The following NOSIP variants were observed in gnomAD, a reference collection of about 807,000 sequenced individuals.
NOSIP encodes nitric oxide synthase-interacting protein.
In NOSIP, 25 loss-of-function variants were observed where a neutral mutation model predicts 36.4. The observed-to-expected ratio is 0.69, with a 90% CI of 0.50 to 0.96. NOSIP has a LOEUF of 0.96. Ranked by LOEUF, NOSIP falls within the 40% of genes least tolerant of loss-of-function variation. The pLI is 0.00. For missense variants in NOSIP, 370 were observed against 429.0 expected, an observed-to-expected ratio of 0.86 and a Z score of 1.21; for synonymous variants, 187 against 179.2, an observed-to-expected ratio of 1.04 and a Z score of -0.35.
chr19:49,555,649 C>A lies in NOSIP; in HGVS notation c.*102G>T. On this transcript the variant is annotated 3_prime_UTR_variant, in exon 9 of 9. Transcript: ENST00000596358. Reference sequence around the variant, plus strand: ...CGCTGTAGGAGCACTGTTTGCACGGCCCTGCATCCTCGCCTGCCCTGTCCC... The same window carrying A: ...CGCTGTAGGAGCACTGTTTGCACGGACCTGCATCCTCGCCTGCCCTGTCCC... The A allele has an allele frequency of 1.1e-6, 1 of 919,448 alleles. No individual in the cohort carries two copies. Among genetic ancestry groups the A allele is most frequent in the South Asian group, 1.4e-5 (1 of 69,408 alleles). 57.0% of individuals were successfully genotyped at this position (919,448 alleles called of 1,614,324 possible).
intron 1 of NOSIP, among the ~76,000 whole-genome samples, chr19:49,567,679 ATTTAT>A (rs1226930451): frequency 6.6e-6 from 1 of 151,626 alleles, no homozygotes; most frequent in Non-Finnish European, 1.5e-5. Flanking sequence ...TTTTTATTTT[ATTTAT>A]TTTGAGACAG....
chr19:49,556,245 A>C, intron 8 of NOSIP, 72 bp downstream of exon 8: 1 of 651,912 alleles, frequency 1.5e-6, no homozygotes, highest in Non-Finnish European at 2.3e-6. Flanking sequence ...GAGGGGACGA[A>C]GCCTTGGAGG....
At chr19:49,576,905 A>AAAAAAAAAG (rs1568412796) in intron 1 of NOSIP, among the ~76,000 whole-genome samples, 1 of 151,630 alleles carries the variant, frequency 6.6e-6, no homozygotes, top group African/African-American at 2.4e-5. Context: ...AAAAAAAAAA[A>AAAAAAAAAG]AAAATCAGGA....
chr19:49,560,706 G>A lies in NOSIP; in HGVS notation c.-1-14C>T. 6.3e-7 allele frequency: 1 copy of A among 1,576,644 alleles called. No homozygotes were observed. Among genetic ancestry groups the A allele is most frequent in the Non-Finnish European group, 8.6e-7 (1 of 1,159,374 alleles). On this transcript the variant is annotated splice_polypyrimidine_tract_variant and intron_variant, in intron 1 of 8. Transcript: ENST00000596358. This position sits in a 1 kb window ranked among gnomAD's most constrained non-coding sequence, Gnocchi z 4.6. ...TGCCGCGTCATCCTAGGGAGGAAGG[G>A]ACAGTGGCAGGACTGTGGTTACCGG...
intron 1 of NOSIP, among the ~76,000 whole-genome samples, chr19:49,574,844 C>T (rs1000834611): frequency 1.3e-5 from 2 of 151,684 alleles, no homozygotes; most frequent in Non-Finnish European, 2.9e-5. Context: ...TACAGGCGTC[C>T]ACCACCATGC....
In NOSIP at chr19:49,560,274, G is replaced by A; in HGVS notation, c.71-235C>T. ...GGCCTGGTCACTGAGTGGCAGCTTG[G>A]TGGAGGGGCTGACGGCTGACTCCCC... On this transcript the variant is annotated intron_variant, in intron 2 of 8. Coordinates refer to ENST00000596358, the MANE Select transcript of NOSIP (RefSeq NM_001270960.2). The surrounding 1 kb of genome is among the most constrained non-coding windows in gnomAD (Gnocchi z 4.6). 3.4e-6 allele frequency: 2 copies of A among 579,892 alleles called. No homozygotes were observed. Among genetic ancestry groups the A allele is most frequent in the Admixed American group, 3.1e-5 (1 of 32,582 alleles). The allele number at this position is 579,892 out of a possible 1,614,324, so 35.9% of individuals were successfully genotyped here. A position where few individuals can be genotyped will look rare whatever the true frequency, so the allele number is the denominator to read the frequency against.
At chr19:49,577,473 C>T (rs1309752286) in intron 1 of NOSIP, among the ~76,000 whole-genome samples, 1 of 151,970 alleles carries the variant, frequency 6.6e-6, no homozygotes, top group Non-Finnish European at 1.5e-5. Context: ...AGGAGAGTCG[C>T]TCAAACCTGG....
At chr19:49,561,485 T>A (rs1180526363) in intron 1 of NOSIP, among the ~76,000 whole-genome samples, 1 of 152,208 alleles carries the variant, frequency 6.6e-6, no homozygotes, top group Non-Finnish European at 1.5e-5. Flanking sequence ...TTTTGCCACC[T>A]TACTTTGATA....
intron 8 of NOSIP, 36 bp downstream of exon 8, chr19:49,556,281 G>C: frequency 7.1e-7 from 1 of 1,412,204 alleles, no homozygotes; most frequent in Non-Finnish European, 9.7e-7. Context: ...GCGGGGCCTT[G>C]GAGTGCTGGG....
chr19:49,557,178 A>G lies in NOSIP; in HGVS notation c.330T>C (p.His110=), dbSNP rs1466308617. The change falls in exon 5 of 9, where the codon CAT becomes CAC. Residue 110 remains histidine (H), a synonymous_variant. Transcript: ENST00000596358. The part of the protein sequence containing the change: ...KELQRAASQD[H]VRGFLEKESA... ...ACTCCTTCTCCAGGAAGCCCCGCAC[A>G]TGGTCCTGCGAGGCCGCCCGCTGAA... The G allele has an allele frequency of 6.2e-7, 1 of 1,610,036 alleles. No homozygotes were observed. The highest frequency in any genetic ancestry group is 8.5e-7 in the Non-Finnish European group (1 of 1,178,592).
chr19:49,574,491 AGTTGTAGCTTTACAATGCG>A (rs997270273), intron 1 of NOSIP, among the ~76,000 whole-genome samples: 1 of 152,132 alleles, frequency 6.6e-6, no homozygotes, highest in Non-Finnish European at 1.5e-5. Flanking sequence ...GAAAATACAC[AGTTGTAGCTTTACAATGCG>A]GTTTTCGATG....
At chr19:49,561,251 C>G (rs773197628) in intron 1 of NOSIP, among the ~76,000 whole-genome samples, 1 of 152,106 alleles carries the variant, frequency 6.6e-6, no homozygotes, top group Admixed American at 6.6e-5. Context: ...TGTCTCAGAT[C>G]GACCGATCAG....
In NOSIP at chr19:49,555,675, CG is replaced by C. The variant is rs770354102; in HGVS notation, c.*75del. 3.9e-6 allele frequency: 5 copies of C among 1,277,668 alleles called. No individual in the cohort carries two copies. The highest frequency in any genetic ancestry group is 1.2e-5 in the South Asian group (1 of 80,952). 79.1% of individuals were successfully genotyped at this position (1,277,668 alleles called of 1,614,324 possible). A position where few individuals can be genotyped will look rare whatever the true frequency, so the allele number is the denominator to read the frequency against. ...CCTGCATCCTCGCCTGCCCTGTCCC[CG>C]GGGCGCCCACGCCGCGAATGAAGGC... is the stretch of plus-strand genomic sequence containing the variant. On this transcript the variant is annotated 3_prime_UTR_variant, in exon 9 of 9. Coordinates refer to ENST00000596358, the MANE Select transcript of NOSIP (RefSeq NM_001270960.2).
rs71180641 is a variant in NOSIP at position 49,569,199 on chromosome 19, C to CTT, written c.-1-8509_-1-8508dup. On this transcript the variant is annotated intron_variant, in intron 1 of 8. Transcript: ENST00000596358. ...GAAATCTACTGTGCATACAATGATACTTTTTTTTTTTTTTTTTGAGACGTT... is the reference window on the plus strand; with the variant it reads ...GAAATCTACTGTGCATACAATGATACTTTTTTTTTTTTTTTTTTTGAGACGTT... Among the ~76,000 whole-genome samples, 61 of 127,432 alleles carry CTT rather than the reference C, an allele frequency of 4.8e-4. 1 individual carries two copies. The highest frequency in any genetic ancestry group is 6.9e-4 in the Non-Finnish European group (41 of 59,520). 83.6% of individuals were successfully genotyped at this position (127,432 alleles called of 152,430 possible). A position where few individuals can be genotyped will look rare whatever the true frequency, so the allele number is the denominator to read the frequency against.
Position 49,560,190 on chromosome 19 carries a change from C to T in NOSIP, c.71-151G>A, listed in dbSNP as rs896152930. 1.6e-5 allele frequency: 10 copies of T among 620,122 alleles called. No homozygotes were observed. Among genetic ancestry groups the T allele is most frequent in the Non-Finnish European group, 2.6e-5 (9 of 348,410 alleles). The allele number at this position is 620,122 out of a possible 1,614,324, so 38.4% of individuals were successfully genotyped here. ...GCAGTTGGGAGCCGCTGCCTGTGTG[C>T]TGGGGCCACGGGCTGAACCCACAGG... On this transcript the variant is annotated intron_variant, in intron 2 of 8. Transcript: ENST00000596358. The surrounding 1 kb of genome is among the most constrained non-coding windows in gnomAD (Gnocchi z 4.6).
intron 1 of NOSIP, among the ~76,000 whole-genome samples, chr19:49,563,324 T>C (rs1244831933): frequency 6.6e-6 from 1 of 151,826 alleles, no homozygotes; most frequent in Non-Finnish European, 1.5e-5. Context: ...TACAGGCATG[T>C]GCCACCACGC....
chr19:49,568,797 AGTTT>A (rs1321635054), intron 1 of NOSIP, among the ~76,000 whole-genome samples: 3 of 131,058 alleles, frequency 2.3e-5, no homozygotes, highest in African/African-American at 3.3e-5. Flanking sequence ...AAAAAAAAAT[AGTTT>A]GTTTGTTTGT....
chr19:49,580,257 C>T (rs542701043), intron 1 of NOSIP, among the ~76,000 whole-genome samples: 27 of 151,664 alleles, frequency 1.8e-4, no homozygotes, highest in Non-Finnish European at 2.7e-4. Context: ...GAGAACTGGC[C>T]GATGCTAGCT....
At chr19:49,556,293 G>A (rs557974024) in intron 8 of NOSIP, 24 bp downstream of exon 8, 1 of 1,369,484 alleles carries the variant, frequency 7.3e-7, no homozygotes, top group East Asian at 3.1e-5. Context: ...AGTGCTGGGG[G>A]AAGGGGAGGG....
Sources: allele counts gnomAD v4.1 joint callset (sites outside exome capture counted in the v4.1 genomes callset), GRCh38; gene constraint gnomAD v4.1.1; non-coding constraint Gnocchi (gnomAD v3.1); transcripts MANE v1.5; gene names NCBI Gene and HGNC (gene_info 2026-07-23, HGNC 2026-07-21).